COBL: variants seen among roughly 807,000 people sequenced by gnomAD.
COBL encodes the protein cordon-bleu WH2 repeat protein.
In COBL, 51 loss-of-function variants were observed where a neutral mutation model predicts 98.8. The ratio of observed to expected loss-of-function variants is 0.52; its 90% CI spans 0.41 to 0.65. The LOEUF (loss-of-function observed/expected upper bound fraction) is 0.65. COBL is among the 30% of genes least tolerant of loss of function. COBL has a pLI of 0.00. For synonymous variants in COBL, 634 were observed against 651.7 expected (o/e 0.97, Z 0.41); for missense variants, 1,617 against 1,617.5 (o/e 1.00, Z 0.01).
intron 7 of COBL, among the ~76,000 whole-genome samples, chr7:51,052,345 C>A (rs1042422835): frequency 9.2e-5 from 14 of 152,192 alleles, no homozygotes. Context: ...TTACATGAAT[C>A]CTACTGAGTA....
chr7:51,176,405 C>G (rs181154855), intron 5 of COBL, among the ~76,000 whole-genome samples: 2,086 of 151,770 alleles, frequency 0.014, 50 homozygotes, highest in African/African-American at 0.048. Flanking sequence ...TGTATACACA[C>G]ACAGACACAC....
In COBL at chr7:51,190,876, T is replaced by C. The variant is rs754853190; in HGVS notation, c.659A>G (p.Glu220Gly). The C allele has an allele frequency of 5.0e-6, 8 of 1,614,034 alleles. No individual in the cohort carries two copies. The highest frequency in any genetic ancestry group is 6.8e-6 in the Non-Finnish European group (8 of 1,179,988). ...TCTTCTGTTGTCCCACGCGTAGAGC[T>C]CCTTTATCCCGAGCTCGTTCAGGGA... Reference protein sequence around the residue: ...SKSLNELGIKELYAWDNRRET... With the variant: ...SKSLNELGIKGLYAWDNRRET... Residue 220 changes from glutamate (E) to glycine (G), a missense_variant, in exon 4 of 13, where the codon GAG becomes GGG. Around this residue, in one of 3 missense-constraint regions of COBL, gnomAD observed 75 missense variants for 120.5 expected, o/e 0.62. Coordinates refer to ENST00000265136, the MANE Select transcript of COBL (RefSeq NM_015198.5).
At chr7:51,258,844 A>G (rs1266020825) in intron 1 of COBL, among the ~76,000 whole-genome samples, 1 of 152,192 alleles carries the variant, frequency 6.6e-6, no homozygotes, top group African/African-American at 2.4e-5. Context: ...ACAGCAATAC[A>G]GTTTTTAGTC....
At chr7:51,208,029 A>G (rs1250847029) in intron 2 of COBL, among the ~76,000 whole-genome samples, 7 of 145,116 alleles carry the variant, frequency 4.8e-5, no homozygotes, top group Non-Finnish European at 7.5e-5. Flanking sequence ...AGTGAGGAGC[A>G]TCTCTGCCTG....
intron 5 of COBL, among the ~76,000 whole-genome samples, chr7:51,150,038 C>T (rs962724061): frequency 4.6e-5 from 7 of 152,140 alleles, no homozygotes; most frequent in Non-Finnish European, 8.8e-5. Context: ...TACTTCCAGG[C>T]ATGCATGCAC....
chr7:51,255,742 G>A (rs554577406), intron 1 of COBL, among the ~76,000 whole-genome samples: 24 of 152,304 alleles, frequency 1.6e-4, no homozygotes, highest in African/African-American at 5.8e-4. Context: ...CAGTGAGCCA[G>A]GCACTCAGTG....
At chr7:51,047,557 T>C (rs1320222341) in intron 7 of COBL, among the ~76,000 whole-genome samples, 1 of 152,242 alleles carries the variant, frequency 6.6e-6, no homozygotes, top group Non-Finnish European at 1.5e-5. Context: ...ATTGTTTTAT[T>C]AAACGCAAAT....
At chr7:51,196,210 G>T (rs1432156702) in intron 2 of COBL, among the ~76,000 whole-genome samples, 1 of 152,128 alleles carries the variant, frequency 6.6e-6, no homozygotes, top group African/African-American at 2.4e-5. Flanking sequence ...AACATGAAGG[G>T]ATGTTGAATT....
chr7:51,042,043 A>G (rs1789248486), intron 8 of COBL, among the ~76,000 whole-genome samples: 1 of 152,146 alleles, frequency 6.6e-6, no homozygotes, highest in African/African-American at 2.4e-5. Flanking sequence ...AGTGGGAAAA[A>G]ATAGATCCTT....
chr7:51,300,133 T>C (rs1801797931), intron 1 of COBL, among the ~76,000 whole-genome samples: 1 of 136,878 alleles, frequency 7.3e-6, no homozygotes, highest in African/African-American at 2.8e-5. Flanking sequence ...AACTGAGGTT[T>C]GCTTTTCTGT....
intron 8 of COBL, chr7:51,032,533 T>C (rs1411602037): frequency 1.3e-5 from 2 of 152,214 alleles, no homozygotes; most frequent in Non-Finnish European, 2.9e-5. Context: ...AATCCTCACG[T>C]AGCAAAGTTT....
At chr7:51,109,511 C>T (rs1796636468) in intron 6 of COBL, among the ~76,000 whole-genome samples, 1 of 152,156 alleles carries the variant, frequency 6.6e-6, no homozygotes, top group Non-Finnish European at 1.5e-5. Context: ...TCCCATCTCC[C>T]TCCTTGCCCC....
rs190962642 is a variant in COBL at position 51,156,580 on chromosome 7, G to T, written c.784-20249C>A. 60 of 985,070 alleles carry T rather than the reference G, an allele frequency of 6.1e-5. No individual in the cohort carries two copies. The African/African-American group carries it at 9.3e-4, about 15-fold the overall frequency. 61.0% of individuals were successfully genotyped at this position (985,070 alleles called of 1,614,324 possible). On this transcript the variant is annotated intron_variant, in intron 5 of 12. Transcript: ENST00000265136. ...AACATTCTTAGCCAAGCAAATAAAA[G>T]AATTCTCTGATCCTTCTCACCCCAC...
rs879747774 is a variant in COBL at position 51,226,546 on chromosome 7, GTAAGTGAGTGAC to G, written c.42-6614_42-6603del. On this transcript the variant is annotated intron_variant, in intron 1 of 12. Coordinates refer to ENST00000265136, the MANE Select transcript of COBL (RefSeq NM_015198.5). ...GTTGAGTGAGTGAGTGAGTGAGTGA[GTAAGTGAGTGAC>G]TAAGTGAGTGAGTAAGTGAGTGAGT... is the stretch of plus-strand genomic sequence containing the variant. 8.2e-3 allele frequency among the ~76,000 whole-genome samples: 1,250 copies of G among 151,690 alleles called. 61 individuals are homozygous for G. The South Asian group carries it at 0.14, about 17-fold the overall frequency.
intron 1 of COBL, among the ~76,000 whole-genome samples, chr7:51,248,931 A>G (rs772876630): frequency 1.7e-3 from 262 of 152,342 alleles, no homozygotes; most frequent in Non-Finnish European, 2.7e-3. Flanking sequence ...TCGTCTGAAC[A>G]AAAATTTACT....
intron 6 of COBL, among the ~76,000 whole-genome samples, chr7:51,113,802 G>A (rs1797041789): frequency 6.6e-6 from 1 of 152,138 alleles, no homozygotes; most frequent in East Asian, 1.9e-4. Flanking sequence ...TGAATTTGAT[G>A]GAATTAAGTG....
At chr7:51,179,745 G>C (rs1788753407) in intron 5 of COBL, among the ~76,000 whole-genome samples, 2 of 152,072 alleles carry the variant, frequency 1.3e-5, no homozygotes, top group Admixed American at 1.3e-4. Context: ...GATAATTTTG[G>C]AGATCATGCC....
At chr7:51,244,687 C>T (rs770525829) in intron 1 of COBL, among the ~76,000 whole-genome samples, 38 of 152,094 alleles carry the variant, frequency 2.5e-4, no homozygotes, top group Non-Finnish European at 5.1e-4. Context: ...GGAAACAGGC[C>T]CTCCCCACAA....
At chr7:51,274,973 C>T (rs2129169001) in intron 1 of COBL, among the ~76,000 whole-genome samples, 1 of 152,240 alleles carries the variant, frequency 6.6e-6, no homozygotes, top group East Asian at 1.9e-4. Context: ...TGGGAAACAC[C>T]GATATTAACA....
Sources: allele counts gnomAD v4.1 joint callset (sites outside exome capture counted in the v4.1 genomes callset), GRCh38; gene constraint gnomAD v4.1.1; regional missense constraint gnomAD v4.1.1; transcripts MANE v1.5; gene names NCBI Gene and HGNC (gene_info 2026-07-23, HGNC 2026-07-21).